The following QTMAN variants were observed in gnomAD, a reference collection of about 807,000 sequenced individuals.
QTMAN encodes the protein tRNA-queuosine alpha-mannosyltransferase.
the QTMAN span, among the ~76,000 whole-genome samples, chr2:144,076,523 A>G: frequency 2.0e-5 from 3 of 152,290 alleles, no homozygotes; most frequent in African/African-American, 4.8e-5. Context: ...AAAATTATTA[A>G]TATCATTCCA....
the QTMAN span, among the ~76,000 whole-genome samples, chr2:144,278,562 G>A: frequency 6.9e-6 from 1 of 144,406 alleles, no homozygotes; most frequent in Non-Finnish European, 1.5e-5. Flanking sequence ...TTTTTTAGCT[G>A]ATGAGAAATG....
the QTMAN span, among the ~76,000 whole-genome samples, chr2:144,279,969 A>C: frequency 6.6e-6 from 1 of 152,162 alleles, no homozygotes; most frequent in Admixed American, 6.6e-5. Context: ...GAAGGTAATA[A>C]AATTTGAAAA....
the QTMAN span, among the ~76,000 whole-genome samples, chr2:144,163,655 T>C: frequency 2.0e-5 from 3 of 152,232 alleles, no homozygotes; most frequent in Non-Finnish European, 4.4e-5. Context: ...GCAAATTATA[T>C]GGCAAACAGT....
At chr2:144,207,621 C>A in the QTMAN span, among the ~76,000 whole-genome samples, 38 of 152,082 alleles carry the variant, frequency 2.5e-4, no homozygotes, top group African/African-American at 9.2e-4. Flanking sequence ...AGTTTTATAT[C>A]ATTTGTGTTA....
At chr2:144,133,156 AATAT>A in the QTMAN span, among the ~76,000 whole-genome samples, 3,006 of 49,136 alleles carry the variant, frequency 0.061, 336 homozygotes, top group African/African-American at 0.24. Context: ...TATATAATAT[AATAT>A]AATATATATA....
chr2:144,331,969 G>T, the QTMAN span, among the ~76,000 whole-genome samples: 1 of 152,202 alleles, frequency 6.6e-6, no homozygotes, highest in Non-Finnish European at 1.5e-5. Context: ...GCAGCCTGGT[G>T]GTCGGCGAAG....
chr2:144,198,609 G>A, the QTMAN span, among the ~76,000 whole-genome samples: 1 of 152,146 alleles, frequency 6.6e-6, no homozygotes, highest in South Asian at 2.1e-4. Flanking sequence ...GATCCAGCTT[G>A]CCAATAGCCA....
At chr2:144,216,868 T>A in the QTMAN span, among the ~76,000 whole-genome samples, 1 of 152,154 alleles carries the variant, frequency 6.6e-6, no homozygotes, top group African/African-American at 2.4e-5. Context: ...CTAGTTTAAT[T>A]TGAGAAGTGG....
At chr2:144,153,604 T>C in the QTMAN span, among the ~76,000 whole-genome samples, 4 of 152,096 alleles carry the variant, frequency 2.6e-5, no homozygotes, top group African/African-American at 9.7e-5. Flanking sequence ...GGCAGGAGAA[T>C]GGCGTGAACC....
At chr2:144,269,508 A>G in the QTMAN span, among the ~76,000 whole-genome samples, 7 of 152,140 alleles carry the variant, frequency 4.6e-5, no homozygotes, top group Non-Finnish European at 8.8e-5. Context: ...AAATACAGAC[A>G]TAATCCAAAA....
chr2:144,257,861 A>AC, the QTMAN span, among the ~76,000 whole-genome samples: 2 of 152,236 alleles, frequency 1.3e-5, no homozygotes, highest in African/African-American at 4.8e-5. Flanking sequence ...TAAGAAAAAA[A>AC]CTGTCAACAG....
the QTMAN span, among the ~76,000 whole-genome samples, chr2:144,295,049 T>G: frequency 6.6e-6 from 1 of 152,238 alleles, no homozygotes; most frequent in African/African-American, 2.4e-5. Flanking sequence ...GAAGTCAATA[T>G]AAAAATATTG....
the QTMAN span, among the ~76,000 whole-genome samples, chr2:143,968,562 C>T: frequency 6.6e-6 from 1 of 152,170 alleles, no homozygotes; most frequent in African/African-American, 2.4e-5. Flanking sequence ...AGAACTTAGG[C>T]TTTTGAGTAA....
the QTMAN span, among the ~76,000 whole-genome samples, chr2:144,050,781 G>GCA: frequency 0.028 from 4,173 of 148,920 alleles, 105 homozygotes; most frequent in African/African-American, 0.067. Flanking sequence ...CTTTCAGTCA[G>GCA]CACACACACA....
chr2:144,326,047 GC>G, the QTMAN span, among the ~76,000 whole-genome samples: 1 of 152,094 alleles, frequency 6.6e-6, no homozygotes, highest in African/African-American at 2.4e-5. Context: ...GCATTTAAAG[GC>G]CTTTTAATGA....
the QTMAN span, among the ~76,000 whole-genome samples, chr2:144,246,985 C>T: frequency 6.6e-6 from 1 of 152,112 alleles, no homozygotes; most frequent in South Asian, 2.1e-4. Flanking sequence ...ATTATTCAAG[C>T]AAATTATCAA....
At chr2:144,262,481 G>A in the QTMAN span, among the ~76,000 whole-genome samples, 1 of 148,332 alleles carries the variant, frequency 6.7e-6, no homozygotes, top group Non-Finnish European at 1.5e-5. Context: ...GAGGCAGGAG[G>A]ATAGCTTGAG....
At chr2:144,096,520 T>C in the QTMAN span, among the ~76,000 whole-genome samples, 1 of 152,240 alleles carries the variant, frequency 6.6e-6, no homozygotes, top group Non-Finnish European at 1.5e-5. Context: ...TACTGTGTCA[T>C]TAAAGGCAAC....
At chr2:144,099,193 G>C in the QTMAN span, among the ~76,000 whole-genome samples, 1 of 152,136 alleles carries the variant, frequency 6.6e-6, no homozygotes, top group South Asian at 2.1e-4. Context: ...GTAAGCAATG[G>C]AGACATAAAA....
Sources: allele counts gnomAD v4.1 joint callset (sites outside exome capture counted in the v4.1 genomes callset), GRCh38; gene constraint gnomAD v4.1.1; transcripts MANE v1.5; gene names NCBI Gene and HGNC (gene_info 2026-07-23, HGNC 2026-07-21).